CDH13: variants seen among roughly 807,000 people sequenced by gnomAD.
The protein encoded by CDH13 is cadherin 13.
CDH13 carries 24 observed loss-of-function variants against 63.8 expected under a neutral mutation model. The observed-to-expected ratio is 0.38, with a 90% CI of 0.27 to 0.53. CDH13 has a LOEUF of 0.53. Among genes scored for constraint, CDH13 ranks in the 20% least tolerant of loss-of-function variants. The pLI, the probability that CDH13 is intolerant of heterozygous loss-of-function variation, is 0.85. For synonymous variants in CDH13, 503 were observed against 355.3 expected (o/e 1.42, Z -4.67); for missense variants, 1,049 against 903.1 (o/e 1.16, Z -2.07).
intron 3 of CDH13, among the ~76,000 whole-genome samples, chr16:83,064,127 T>C (rs1215673617): frequency 1.3e-5 from 2 of 152,126 alleles, no homozygotes; most frequent in East Asian, 1.9e-4. Flanking sequence ...TCCCAGCACT[T>C]TGGGAGGCCG....
chr16:82,838,348 A>G (rs1258103178), intron 1 of CDH13, among the ~76,000 whole-genome samples: 1 of 152,210 alleles, frequency 6.6e-6, no homozygotes, highest in Non-Finnish European at 1.5e-5. Flanking sequence ...ACTAGTGTCC[A>G]CTATAGGGAT....
chr16:82,658,534 T>C (rs575171204), intron 1 of CDH13, among the ~76,000 whole-genome samples: 1 of 152,350 alleles, frequency 6.6e-6, no homozygotes, highest in South Asian at 2.1e-4. Flanking sequence ...GCTGCCTGGG[T>C]ATAAATTGCA....
chr16:83,384,812 A>C lies in CDH13; in HGVS notation c.781+39806A>C, dbSNP rs1395469061. On this transcript the variant is annotated intron_variant, in intron 6 of 13. Transcript: ENST00000567109. ...GCTTTTGGATTCTTTAAGTACTCTCAGATAAATCCACCTGTCCTTTCCAAA... is the reference window on the plus strand; with the variant it reads ...GCTTTTGGATTCTTTAAGTACTCTCCGATAAATCCACCTGTCCTTTCCAAA... 3.3e-5 allele frequency among the ~76,000 whole-genome samples: 5 copies of C among 152,236 alleles called. No individual in the cohort carries two copies. The East Asian group carries it at 9.6e-4, about 29-fold the overall frequency.
rs986139101 is a variant in CDH13 at position 82,682,899 on chromosome 16, A to C, written c.45+55762A>C. Among the ~76,000 whole-genome samples the C allele has an allele frequency of 2.0e-5, 3 of 152,102 alleles. No individual in the cohort carries two copies. In the South Asian group the frequency reaches 6.2e-4, roughly 32 times the overall value. On this transcript the variant is annotated intron_variant, in intron 1 of 13. Transcript: ENST00000567109. ...CAGTTAGGAATTAAGGGAGCAGAAAACACACAGCCATTGCCCACAGTTCAG... is the reference window on the plus strand; with the variant it reads ...CAGTTAGGAATTAAGGGAGCAGAAACCACACAGCCATTGCCCACAGTTCAG...
intron 4 of CDH13, among the ~76,000 whole-genome samples, chr16:83,175,365 C>T (rs1432615859): frequency 6.6e-6 from 1 of 152,096 alleles, no homozygotes; most frequent in East Asian, 1.9e-4. Context: ...TCTCAACCCC[C>T]ACGATAGCCC....
chr16:83,040,343 T>A (rs2151486969), intron 3 of CDH13, among the ~76,000 whole-genome samples: 1 of 152,172 alleles, frequency 6.6e-6, no homozygotes, highest in East Asian at 1.9e-4. Context: ...CAAGGTAAAG[T>A]CCCATCGTAG....
intron 5 of CDH13, among the ~76,000 whole-genome samples, chr16:83,272,258 G>A (rs1400040754): frequency 1.3e-5 from 2 of 152,176 alleles, no homozygotes; most frequent in African/African-American, 4.8e-5. Flanking sequence ...CCAGTGTCAG[G>A]GAATGATAAG....
intron 1 of CDH13, among the ~76,000 whole-genome samples, chr16:82,841,717 CTTTGTGGTA>C (rs2039016436): frequency 1.3e-5 from 2 of 152,072 alleles, no homozygotes; most frequent in Admixed American, 1.3e-4. Flanking sequence ...CAAAGCTGTA[CTTTGTGGTA>C]CAGTGTTATG....
chr16:83,217,571 C>A, intron 5 of CDH13, 74 bp downstream of exon 5: 2 of 1,460,672 alleles, frequency 1.4e-6, no homozygotes, highest in Non-Finnish European at 9.4e-7. Context: ...TCCCACTGAG[C>A]TCATTATTTC....
At chr16:83,347,590 T>C (rs988851882) in intron 6 of CDH13, among the ~76,000 whole-genome samples, 1 of 152,196 alleles carries the variant, frequency 6.6e-6, no homozygotes, top group Non-Finnish European at 1.5e-5. Context: ...ATTTCATCCA[T>C]GATCCCACTT....
intron 1 of CDH13, among the ~76,000 whole-genome samples, chr16:82,656,918 CTTTTTTTTTT>C (rs200722234): frequency 7.6e-6 from 1 of 131,060 alleles, no homozygotes; most frequent in Non-Finnish European, 1.6e-5. Flanking sequence ...TTTGGTAGCT[CTTTTTTTTTT>C]TTTTTTTTAG....
chr16:83,271,128 C>T (rs577554477), intron 5 of CDH13, among the ~76,000 whole-genome samples: 2 of 152,082 alleles, frequency 1.3e-5, no homozygotes, highest in East Asian at 1.9e-4. Flanking sequence ...TCTTGGAAAG[C>T]AGTTTATTGG....
intron 7 of CDH13, among the ~76,000 whole-genome samples, chr16:83,516,036 C>T (rs951497429): frequency 6.6e-6 from 1 of 152,108 alleles, no homozygotes. Context: ...AAACATTGTT[C>T]CTCGTGATTT....
chr16:83,191,990 A>ATT (rs2038731633), intron 4 of CDH13, among the ~76,000 whole-genome samples: 1 of 152,158 alleles, frequency 6.6e-6, no homozygotes, highest in Non-Finnish European at 1.5e-5. Context: ...AGAGAGCAAA[A>ATT]GCATGTAGAA....
intron 7 of CDH13, among the ~76,000 whole-genome samples, chr16:83,586,991 G>C (rs1010075326): frequency 9.2e-5 from 14 of 152,154 alleles, no homozygotes; most frequent in South Asian, 2.1e-4. Context: ...TCCATGGCTA[G>C]AGTGGGTGGG....
At chr16:83,703,078 T>G (rs1027556442) in intron 10 of CDH13, among the ~76,000 whole-genome samples, 3 of 152,248 alleles carry the variant, frequency 2.0e-5, no homozygotes, top group Non-Finnish European at 2.9e-5. Flanking sequence ...GCGTTCCTCC[T>G]TGGGTCATGT....
intron 7 of CDH13, among the ~76,000 whole-genome samples, chr16:83,541,751 G>A (rs973605317): frequency 6.6e-6 from 1 of 152,202 alleles, no homozygotes; most frequent in Non-Finnish European, 1.5e-5. Flanking sequence ...TGGTTTATTT[G>A]TTGCAGCAGT....
chr16:82,971,770 T>C (rs1908782493), intron 2 of CDH13, among the ~76,000 whole-genome samples: 1 of 152,232 alleles, frequency 6.6e-6, no homozygotes. Context: ...TTTAAGTTCA[T>C]TGGATTGTTT....
chr16:83,043,779 G>A (rs4783308), intron 3 of CDH13, among the ~76,000 whole-genome samples: 89,073 of 151,048 alleles, frequency 0.59, 26,431 homozygotes, highest in African/African-American at 0.64. Flanking sequence ...GAACTGCTAG[G>A]TCATGCCATT....
Sources: allele counts gnomAD v4.1 joint callset (sites outside exome capture counted in the v4.1 genomes callset), GRCh38; gene constraint gnomAD v4.1.1; transcripts MANE v1.5; gene names NCBI Gene and HGNC (gene_info 2026-07-23, HGNC 2026-07-21).